SNX29: variants seen among roughly 807,000 people sequenced by gnomAD.
SNX29 encodes sorting nexin-29.
In SNX29, 78 loss-of-function variants were observed where a neutral mutation model predicts 102.1. The ratio of observed to expected loss-of-function variants is 0.76; its 90% CI spans 0.64 to 0.92. The LOEUF (loss-of-function observed/expected upper bound fraction) is 0.92. SNX29 is among the 40% of genes least tolerant of loss of function. The pLI, the probability that SNX29 is intolerant of heterozygous loss-of-function variation, is 0.00. For missense variants in SNX29, 1,280 were observed against 1,061.7 expected, an observed-to-expected ratio of 1.21 and a Z score of -2.86; for synonymous variants, 580 against 414.5, an observed-to-expected ratio of 1.40 and a Z score of -4.85.
chr16:12,366,893 T>A (rs1210877585), intron 16 of SNX29: 1 of 135,904 alleles, frequency 7.4e-6, no homozygotes, highest in South Asian at 2.6e-4. Context: ...TGCCTGACTC[T>A]CTCTCTCTGT....
chr16:12,224,012 C>T (rs1406265480), intron 14 of SNX29, among the ~76,000 whole-genome samples: 1 of 152,164 alleles, frequency 6.6e-6, no homozygotes, highest in African/African-American at 2.4e-5. Context: ...ATGCCCAGGT[C>T]TCCTCACTCC....
chr16:12,543,053 G>T (rs574349551), intron 20 of SNX29, among the ~76,000 whole-genome samples: 1 of 152,176 alleles, frequency 6.6e-6, no homozygotes, highest in African/African-American at 2.4e-5. Flanking sequence ...GTGTCACCAG[G>T]ACCCTGTTGG....
chr16:12,075,767 A>T (rs1047915392), intron 10 of SNX29, among the ~76,000 whole-genome samples: 1 of 152,212 alleles, frequency 6.6e-6, no homozygotes, highest in African/African-American at 2.4e-5. Context: ...CTGCCCCCAG[A>T]GGTGGAGCCT....
intron 11 of SNX29, among the ~76,000 whole-genome samples, chr16:12,082,926 A>C (rs773658730): frequency 6.6e-6 from 1 of 152,128 alleles, no homozygotes; most frequent in Non-Finnish European, 1.5e-5. Flanking sequence ...AGGAGTAAGA[A>C]GAGTGGGTCT....
At chr16:12,479,629 G>A (rs907118426) in intron 19 of SNX29, among the ~76,000 whole-genome samples, 1 of 152,202 alleles carries the variant, frequency 6.6e-6, no homozygotes, top group Admixed American at 6.5e-5. Flanking sequence ...CTTTTGAAAA[G>A]AGGGGAAAAT....
intron 16 of SNX29, among the ~76,000 whole-genome samples, chr16:12,382,941 T>C (rs2083225004): frequency 6.6e-6 from 1 of 152,184 alleles, no homozygotes; most frequent in Non-Finnish European, 1.5e-5. Context: ...CTCAAGAGTC[T>C]GAATTACATC....
chr16:12,540,476 T>C (rs1467080755), intron 20 of SNX29, among the ~76,000 whole-genome samples: 1 of 152,246 alleles, frequency 6.6e-6, no homozygotes, highest in African/African-American at 2.4e-5. Context: ...TAGGCTACAG[T>C]CAAGGTGTCG....
intron 14 of SNX29, among the ~76,000 whole-genome samples, chr16:12,211,166 T>C (rs901907116): frequency 1.3e-5 from 2 of 152,038 alleles, no homozygotes; most frequent in Admixed American, 6.6e-5. Flanking sequence ...CCAACATTGA[T>C]TGAATACTCC....
rs1413190851 is a variant in SNX29, at chr16:12,570,131, G to T, written c.*1502G>T. ...AAGGAAGATTGTTCATGGCCTTTAA[G>T]GAAGGCTGAGATCACTCACACACAG... is the stretch of plus-strand genomic sequence containing the variant. On this transcript the variant is annotated 3_prime_UTR_variant, in exon 21 of 21. Coordinates refer to ENST00000566228, the MANE Select transcript of SNX29 (RefSeq NM_032167.5). 4.7e-6 allele frequency: 5 copies of T among 1,052,638 alleles called. No individual in the cohort carries two copies. In the South Asian group the frequency reaches 2.3e-4, roughly 48 times the overall value. The allele number at this position is 1,052,638 out of a possible 1,614,324, so 65.2% of individuals were successfully genotyped here.
chr16:12,105,830 C>T (rs2053213196), intron 11 of SNX29, among the ~76,000 whole-genome samples: 1 of 152,146 alleles, frequency 6.6e-6, no homozygotes, highest in South Asian at 2.1e-4. Flanking sequence ...AAGAGATCTG[C>T]AAAGCTCTTT....
At chr16:12,535,124 C>G (rs1042327447) in intron 20 of SNX29, among the ~76,000 whole-genome samples, 1 of 152,128 alleles carries the variant, frequency 6.6e-6, no homozygotes, top group Admixed American at 6.5e-5. Context: ...CCGCCAGGGT[C>G]CAGGTATTAG....
At chr16:12,203,939 C>A (rs2076981376) in intron 14 of SNX29, among the ~76,000 whole-genome samples, 1 of 152,168 alleles carries the variant, frequency 6.6e-6, no homozygotes, top group African/African-American at 2.4e-5. Flanking sequence ...TGACCAGCGT[C>A]CTCCCTCACT....
chr16:12,568,551 A>AGCTTCCC lies in SNX29; in HGVS notation c.2372_2378dup (p.Lys794LeufsTer21). The AGCTTCCC allele has an allele frequency of 6.2e-7, 1 of 1,609,586 alleles. No homozygotes were observed. Reference sequence around the variant, plus strand: ...AGCCTGTGAACAGCCGGCCCAAAGCAGCTTCCCGCTTCCCCAAACTGTCCC... The same window carrying AGCTTCCC: ...AGCCTGTGAACAGCCGGCCCAAAGCAGCTTCCCGCTTCCCGCTTCCCCAAACTGTCCC... On this transcript the variant is annotated frameshift_variant, in exon 21 of 21. Coordinates refer to ENST00000566228, the MANE Select transcript of SNX29 (RefSeq NM_032167.5). LOFTEE classifies it high-confidence loss of function.
chr16:12,349,061 T>C (rs2081915592), intron 15 of SNX29, among the ~76,000 whole-genome samples: 2 of 152,204 alleles, frequency 1.3e-5, no homozygotes. Context: ...GAGCGCTGAA[T>C]TAAAAGCAGG....
chr16:12,194,309 A>T (rs2076716720), intron 13 of SNX29, among the ~76,000 whole-genome samples: 1 of 152,236 alleles, frequency 6.6e-6, no homozygotes, highest in African/African-American at 2.4e-5. Flanking sequence ...GTATAGAAAT[A>T]CAGTTGATGT....
Position 12,446,124 on chromosome 16 carries a change from C to T in SNX29, c.2038-31595C>T, listed in dbSNP as rs1008123557. The stretch of plus-strand genomic sequence containing the variant: ...AGCCTGGAGTGCAGCGGTGCAATCT[C>T]GGCTCACTGCAGCCTCCACCTCTTG... On this transcript the variant is annotated intron_variant, in intron 18 of 20. Transcript: ENST00000566228. 4.7e-5 allele frequency among the ~76,000 whole-genome samples: 7 copies of T among 148,602 alleles called. No homozygotes were observed. In the South Asian group the frequency reaches 1.3e-3, roughly 27 times the overall value.
intron 1 of SNX29, among the ~76,000 whole-genome samples, chr16:11,978,472 A>G (rs1171516894): frequency 1.3e-5 from 2 of 152,198 alleles, no homozygotes; most frequent in Non-Finnish European, 2.9e-5. Context: ...ATGACTAAAT[A>G]ACATTCATCA....
intron 18 of SNX29, among the ~76,000 whole-genome samples, chr16:12,459,661 A>G (rs2086694370): frequency 6.6e-6 from 1 of 152,122 alleles, no homozygotes; most frequent in South Asian, 2.1e-4. Context: ...AGGTGGAGAA[A>G]GCAAACTTGC....
At chr16:12,390,875 G>C (rs2083504937) in intron 16 of SNX29, among the ~76,000 whole-genome samples, 1 of 145,982 alleles carries the variant, frequency 6.9e-6, no homozygotes, top group East Asian at 2.0e-4. Context: ...GTCTTGTTCA[G>C]TCTTTAAAAA....
Sources: allele counts gnomAD v4.1 joint callset (sites outside exome capture counted in the v4.1 genomes callset), GRCh38; gene constraint gnomAD v4.1.1; transcripts MANE v1.5; gene names NCBI Gene and HGNC (gene_info 2026-07-23, HGNC 2026-07-21).